Variants in WWOX observed in about 807,000 individuals in gnomAD.
WWOX encodes WW domain-containing oxidoreductase.
Under a neutral mutation model 46.2 loss-of-function variants are expected in WWOX, and 69 were observed. That is an observed-to-expected ratio of 1.49 (90% CI 1.23 to 1.82). The LOEUF is 1.82. WWOX is among the 40% of genes most tolerant of loss of function. The pLI is 0.00. For synonymous variants in WWOX, 359 were observed against 202.6 expected, an observed-to-expected ratio of 1.77 and a Z score of -6.56; for missense variants, 919 against 542.6, an observed-to-expected ratio of 1.69 and a Z score of -6.89.
chr16:78,452,994 C>T (rs2083728921), intron 8 of WWOX, among the ~76,000 whole-genome samples: 1 of 149,344 alleles, frequency 6.7e-6, no homozygotes, highest in African/African-American at 2.5e-5. Flanking sequence ...TGATCCTCCT[C>T]TCTCAGCCTC....
At chr16:78,411,054 C>A (rs549660403) in intron 6 of WWOX, among the ~76,000 whole-genome samples, 7 of 152,090 alleles carry the variant, frequency 4.6e-5, no homozygotes, top group Non-Finnish European at 1.0e-4. Context: ...AGAGCAAGAA[C>A]AGGAGTGATA....
intron 8 of WWOX, among the ~76,000 whole-genome samples, chr16:78,726,574 T>G (rs1383173080): frequency 3.3e-5 from 5 of 149,308 alleles, no homozygotes; most frequent in African/African-American, 5.1e-5. Flanking sequence ...TGTTCCCCCA[T>G]GGGATAGTAG....
In WWOX at chr16:78,608,620, A is replaced by C. The variant is rs137992962; in HGVS notation, c.1056+175868A>C. Among the ~76,000 whole-genome samples the C allele has an allele frequency of 6.1e-4, 93 of 152,310 alleles. 1 individual carries two copies. The highest frequency in any genetic ancestry group is 9.6e-4 in the Non-Finnish European group (65 of 68,026). On this transcript the variant is annotated intron_variant, in intron 8 of 8. Coordinates refer to ENST00000566780, the MANE Select transcript of WWOX (RefSeq NM_016373.4). ...GCAGACCCATACTGTGGAAGGGTCA[A>C]GTGCAGGGTCACCAACCCGTTCCAT...
chr16:78,410,092 A>G (rs78746370), intron 6 of WWOX, among the ~76,000 whole-genome samples: 4,984 of 152,210 alleles, frequency 0.033, 265 homozygotes, highest in African/African-American at 0.11. Context: ...GTGAGTTCAC[A>G]TGATATCTGG....
intron 8 of WWOX, among the ~76,000 whole-genome samples, chr16:78,883,295 G>T (rs1027324383): frequency 6.6e-6 from 1 of 152,174 alleles, no homozygotes; most frequent in Admixed American, 6.5e-5. Flanking sequence ...ACGCAGTAAC[G>T]TAGAGATGAA....
At chr16:78,251,953 T>C (rs1402917039) in intron 5 of WWOX, among the ~76,000 whole-genome samples, 1 of 152,206 alleles carries the variant, frequency 6.6e-6, no homozygotes, top group Non-Finnish European at 1.5e-5. Flanking sequence ...TGTTGGAGTA[T>C]TTGATTATTT....
At chr16:79,039,977 C>G (rs539228822) in intron 8 of WWOX, among the ~76,000 whole-genome samples, 81 of 152,268 alleles carry the variant, frequency 5.3e-4, no homozygotes, top group Non-Finnish European at 9.0e-4. Context: ...TACGATCATG[C>G]TGGTACATTT....
At chr16:78,871,863 A>G (rs2044136189) in intron 8 of WWOX, among the ~76,000 whole-genome samples, 1 of 152,146 alleles carries the variant, frequency 6.6e-6, no homozygotes, top group Admixed American at 6.5e-5. Context: ...TTGGCCTCCC[A>G]AAGCGCTGGG....
intron 5 of WWOX, among the ~76,000 whole-genome samples, chr16:78,316,232 C>T (rs1402319703): frequency 1.3e-5 from 2 of 151,966 alleles, no homozygotes; most frequent in African/African-American, 2.4e-5. Flanking sequence ...GGCAACAGAG[C>T]CACATCTCCA....
Position 79,009,944 on chromosome 16 carries a change from G to C in WWOX, c.1057-201664G>C, listed in dbSNP as rs545981590. Among the ~76,000 whole-genome samples the C allele has an allele frequency of 3.9e-5, 6 of 152,174 alleles. No homozygotes were observed. The East Asian group carries it at 1.2e-3, about 29-fold the overall frequency. ...GAAATTTGATAATTTGTCTATTAAC[G>C]TGTGACCTTGGGCAAGTCATTGACC... On this transcript the variant is annotated intron_variant, in intron 8 of 8. Coordinates refer to ENST00000566780, the MANE Select transcript of WWOX (RefSeq NM_016373.4).
intron 3 of WWOX, among the ~76,000 whole-genome samples, chr16:78,112,676 T>G (rs1441075792): frequency 2.2e-5 from 2 of 91,592 alleles, no homozygotes; most frequent in Admixed American, 1.3e-4. Context: ...GTTGAAAATG[T>G]TTTTTTTTTT....
At chr16:78,467,993 G>C (rs1381380438) in intron 8 of WWOX, among the ~76,000 whole-genome samples, 2 of 152,062 alleles carry the variant, frequency 1.3e-5, no homozygotes, top group African/African-American at 4.8e-5. Flanking sequence ...TTGGGGATGG[G>C]GGGTTCCACT....
chr16:78,649,874 A>G (rs1273875339), intron 8 of WWOX, among the ~76,000 whole-genome samples: 3 of 152,218 alleles, frequency 2.0e-5, no homozygotes, highest in Non-Finnish European at 4.4e-5. Context: ...CACATATGGT[A>G]TAAGGCACAG....
At chr16:78,326,067 G>A (rs2080606345) in intron 5 of WWOX, among the ~76,000 whole-genome samples, 2 of 152,130 alleles carry the variant, frequency 1.3e-5, no homozygotes, top group Admixed American at 6.5e-5. Context: ...GGAGGTAGGA[G>A]TGAATCTCTG....
At chr16:78,902,466 GA>G (rs2044854236) in intron 8 of WWOX, among the ~76,000 whole-genome samples, 1 of 152,246 alleles carries the variant, frequency 6.6e-6, no homozygotes, top group Non-Finnish European at 1.5e-5. Flanking sequence ...AGAGGTGGAT[GA>G]AAGGCTAGGG....
At chr16:78,870,623 A>T (rs1000195417) in intron 8 of WWOX, among the ~76,000 whole-genome samples, 1 of 151,204 alleles carries the variant, frequency 6.6e-6, no homozygotes, top group African/African-American at 2.4e-5. Flanking sequence ...TTTTTTGGAG[A>T]CGGAATCTCA....
At chr16:79,105,250 G>T (rs557016911) in intron 8 of WWOX, among the ~76,000 whole-genome samples, 6 of 152,304 alleles carry the variant, frequency 3.9e-5, no homozygotes, top group East Asian at 1.9e-4. Flanking sequence ...ATCATTCAAA[G>T]GAATTTTTTT....
chr16:78,516,580 C>A (rs1008698940), intron 8 of WWOX, among the ~76,000 whole-genome samples: 16 of 152,118 alleles, frequency 1.1e-4, no homozygotes, highest in African/African-American at 3.9e-4. Context: ...CATACTTGGC[C>A]TGTTTCTACA....
At chr16:78,486,933 G>A (rs1050072276) in intron 8 of WWOX, among the ~76,000 whole-genome samples, 1 of 152,168 alleles carries the variant, frequency 6.6e-6, no homozygotes, top group Admixed American at 6.5e-5. Context: ...TATTCCTAAT[G>A]CAGGCTCATT....
Sources: gnomAD v4.1 joint callset for allele counts (sites outside exome capture counted in the v4.1 genomes callset) on GRCh38, gnomAD v4.1.1 for gene constraint, MANE v1.5 for transcripts, NCBI Gene and HGNC (gene_info 2026-07-23, HGNC 2026-07-21) for gene names.